The following VRK1 variants were observed in gnomAD, a reference collection of about 807,000 sequenced individuals.
The protein encoded by VRK1 is VRK serine/threonine kinase 1.
Under a neutral mutation model 57.1 loss-of-function variants are expected in VRK1, and 33 were observed. The ratio of observed to expected loss-of-function variants is 0.58; its 90% CI spans 0.44 to 0.77. VRK1 has a LOEUF of 0.77. VRK1 is among the 30% of genes least tolerant of loss of function. The pLI, the probability that VRK1 is intolerant of heterozygous loss-of-function variation, is 0.00. For missense variants in VRK1, 413 were observed against 477.3 expected, an observed-to-expected ratio of 0.87 and a Z score of 1.25; for synonymous variants, 137 against 147.8, an observed-to-expected ratio of 0.93 and a Z score of 0.53.
intron 2 of VRK1, 58 bp downstream of exon 2, chr14:96,833,689 A>G: frequency 1.2e-6 from 2 of 1,610,692 alleles, no homozygotes; most frequent in Non-Finnish European, 1.7e-6. Context: ...TTCTTATGAA[A>G]ATGGTTTCTC....
intron 1 of VRK1, among the ~76,000 whole-genome samples, chr14:96,818,756 C>T (rs1886487175): frequency 6.6e-6 from 1 of 151,954 alleles, no homozygotes; most frequent in South Asian, 2.1e-4. Context: ...AACCTGGGGG[C>T]AGTTTCCTTA....
chr14:96,875,978 G>C, intron 11 of VRK1, 52 bp from the exon 12 acceptor site: 3 of 1,582,032 alleles, frequency 1.9e-6, no homozygotes, highest in South Asian at 2.2e-5. Flanking sequence ...TGAGTTTGTA[G>C]TTTACTTGAC....
chr14:96,865,307 C>T (rs1888541578), intron 11 of VRK1, among the ~76,000 whole-genome samples: 1 of 152,214 alleles, frequency 6.6e-6, no homozygotes, highest in African/African-American at 2.4e-5. Flanking sequence ...GTGGAAAAGA[C>T]GATCGTGTCC....
At chr14:96,836,856 C>G (rs763170801) in intron 2 of VRK1, among the ~76,000 whole-genome samples, 3 of 152,084 alleles carry the variant, frequency 2.0e-5, no homozygotes, top group Non-Finnish European at 4.4e-5. Context: ...GCTGTTCTCC[C>G]TGGAGTGCTC....
chr14:96,856,029 C>A, intron 8 of VRK1, 101 bp from the exon 9 acceptor site: 1 of 1,371,778 alleles, frequency 7.3e-7, no homozygotes, highest in Non-Finnish European at 1.0e-6. Context: ...GAAAAACAGA[C>A]TGTGGAGTTG....
At chr14:96,847,372 C>G in intron 5 of VRK1, 28 bp downstream of exon 5, 1 of 1,578,516 alleles carries the variant, frequency 6.3e-7, no homozygotes, top group Non-Finnish European at 8.7e-7. Context: ...TTGTCTTTCT[C>G]CTTCCCTTTT....
chr14:96,828,743 T>C (rs1327601995), intron 1 of VRK1, among the ~76,000 whole-genome samples: 1 of 152,172 alleles, frequency 6.6e-6, no homozygotes, highest in Non-Finnish European at 1.5e-5. Flanking sequence ...GTATACCAGC[T>C]GTATTTAAGT....
At chr14:96,823,377 C>T (rs73355698) in intron 1 of VRK1, among the ~76,000 whole-genome samples, 4,289 of 152,230 alleles carry the variant, frequency 0.028, 199 homozygotes, top group African/African-American at 0.098. Flanking sequence ...TGTCATTACC[C>T]TTCATGAATT....
intron 1 of VRK1, among the ~76,000 whole-genome samples, chr14:96,813,832 A>AT (rs757458789): frequency 1.6e-4 from 24 of 152,154 alleles, no homozygotes; most frequent in Non-Finnish European, 2.9e-4. Context: ...GCAAAAAGGC[A>AT]TTTTTACAAA....
intron 1 of VRK1, among the ~76,000 whole-genome samples, chr14:96,802,565 C>A (rs78187644): frequency 0.083 from 12,671 of 152,264 alleles, 693 homozygotes; most frequent in Non-Finnish European, 0.13. Context: ...AAATGCAGAA[C>A]AGACCGGTTT....
chr14:96,827,418 C>T (rs1300732655), intron 1 of VRK1, among the ~76,000 whole-genome samples: 2 of 151,910 alleles, frequency 1.3e-5, no homozygotes, highest in Non-Finnish European at 2.9e-5. Flanking sequence ...TTCTTAATCT[C>T]TTAAGGTGTG....
At chr14:96,799,174 A>G (rs550437258) in intron 1 of VRK1, among the ~76,000 whole-genome samples, 11 of 152,368 alleles carry the variant, frequency 7.2e-5, no homozygotes, top group African/African-American at 2.6e-4. Flanking sequence ...AGCCTGGCAT[A>G]TAGTAAGTTA....
intron 1 of VRK1, among the ~76,000 whole-genome samples, chr14:96,823,343 T>C (rs1886675866): frequency 6.6e-6 from 1 of 152,248 alleles, no homozygotes; most frequent in Non-Finnish European, 1.5e-5. Context: ...TGACTATTTG[T>C]AGAGTGAGTG....
chr14:96,877,503 A>G (rs1010014017), intron 12 of VRK1: 2 of 1,289,400 alleles, frequency 1.6e-6, no homozygotes, highest in African/African-American at 3.0e-5. Flanking sequence ...TGTTATTAGG[A>G]AGTGAGGAGT....
chr14:96,861,828 C>T (rs1350830430), intron 11 of VRK1, among the ~76,000 whole-genome samples: 1 of 151,956 alleles, frequency 6.6e-6, no homozygotes, highest in African/African-American at 2.4e-5. Flanking sequence ...GTGCTGAAAA[C>T]TGTATCTGTT....
At chr14:96,845,533 T>C (rs931142713) in intron 3 of VRK1, among the ~76,000 whole-genome samples, 3 of 152,166 alleles carry the variant, frequency 2.0e-5, no homozygotes, top group Non-Finnish European at 4.4e-5. Flanking sequence ...AATGTAGGAA[T>C]CTGTGTCAGA....
intron 3 of VRK1, among the ~76,000 whole-genome samples, chr14:96,839,295 A>T (rs72711028): frequency 0.019 from 2,871 of 152,248 alleles, 44 homozygotes; most frequent in Non-Finnish European, 0.031. Flanking sequence ...GGTATTATGA[A>T]TAAAGCGTCT....
intron 1 of VRK1, among the ~76,000 whole-genome samples, chr14:96,810,444 G>C (rs1016809235): frequency 5.3e-5 from 8 of 152,074 alleles, no homozygotes; most frequent in Non-Finnish European, 1.5e-5. Flanking sequence ...TTAGTATTTT[G>C]CCTTTCAGAT....
At chr14:96,854,854 C>G (rs1167459476) in intron 7 of VRK1, among the ~76,000 whole-genome samples, 2 of 152,096 alleles carry the variant, frequency 1.3e-5, no homozygotes, top group East Asian at 3.9e-4. Flanking sequence ...TGTATTGCAA[C>G]AAGTATTGAC....
Sources: allele counts gnomAD v4.1 joint callset (sites outside exome capture counted in the v4.1 genomes callset), GRCh38; gene constraint gnomAD v4.1.1; transcripts MANE v1.5; gene names NCBI Gene and HGNC (gene_info 2026-07-23, HGNC 2026-07-21).